Variants in STK38 observed in about 807,000 individuals in gnomAD.
STK38 encodes the protein serine/threonine kinase 38.
A neutral mutation model predicts 59.0 loss-of-function variants in STK38; 26 were observed. The ratio of observed to expected loss-of-function variants is 0.44; its 90% CI spans 0.32 to 0.61. STK38 has a LOEUF of 0.61. Among genes scored for constraint, STK38 ranks in the 20% least tolerant of loss-of-function variants. STK38 has a pLI of 0.04. For missense variants in STK38, 433 were observed against 566.0 expected (o/e 0.76, Z 2.38); for synonymous variants, 175 against 176.6 (o/e 0.99, Z 0.07).
chr6:36,498,792 T>G (rs546995276), intron 10 of STK38, among the ~76,000 whole-genome samples: 18 of 152,006 alleles, frequency 1.2e-4, no homozygotes, highest in African/African-American at 3.9e-4. Context: ...AGTCTTGCTA[T>G]GTTGATCAGG....
Position 36,547,283 on chromosome 6 carries a change from C to G in STK38, c.-99G>C, listed in dbSNP as rs1778072132. 6.5e-6 allele frequency: 1 copy of G among 152,734 alleles called. No individual in the cohort carries two copies. Among genetic ancestry groups the G allele is most frequent in the Non-Finnish European group, 1.5e-5 (1 of 68,470 alleles). 9.5% of individuals were successfully genotyped at this position (152,734 alleles called of 1,614,324 possible). On this transcript the variant is annotated 5_prime_UTR_variant, in exon 1 of 14. Coordinates refer to ENST00000229812, the MANE Select transcript of STK38 (RefSeq NM_007271.4). ...GACTTGAAGGCTGGCGAAGCCCCGG[C>G]GGCGGCAGCCAACGAGCCAAAGACG...
intron 9 of STK38, among the ~76,000 whole-genome samples, chr6:36,504,208 T>C (rs1463008141): frequency 1.3e-5 from 2 of 152,226 alleles, no homozygotes; most frequent in African/African-American, 2.4e-5. Flanking sequence ...TATTACCTTT[T>C]ATATCTGTAA....
At position 36,536,414 on chromosome 6, in the gene STK38, T is replaced by A. The variant is rs540392348; in HGVS notation, c.131+3658A>T. ...GGCCAGGCACCGTAGCTAACGTAAGTCCAGCACTCTGGGAGGCTGAGGTGG... is the reference window on the plus strand; with the variant it reads ...GGCCAGGCACCGTAGCTAACGTAAGACCAGCACTCTGGGAGGCTGAGGTGG... On this transcript the variant is annotated intron_variant, in intron 2 of 13. Transcript: ENST00000229812. Among the ~76,000 whole-genome samples the A allele has an allele frequency of 9.2e-5, 14 of 152,154 alleles. No homozygotes were observed. The East Asian group carries it at 2.7e-3, about 29-fold the overall frequency.
chr6:36,531,633 T>C (rs1777668548), intron 2 of STK38, among the ~76,000 whole-genome samples: 1 of 152,230 alleles, frequency 6.6e-6, no homozygotes, highest in Non-Finnish European at 1.5e-5. Flanking sequence ...ATTGAGTGCT[T>C]ATGATCTAAC....
intron 1 of STK38, among the ~76,000 whole-genome samples, chr6:36,543,056 G>T (rs564337917): frequency 1.3e-5 from 2 of 151,992 alleles, no homozygotes; most frequent in African/African-American, 4.8e-5. Flanking sequence ...TCCAGCATTG[G>T]CAATAGCGCT....
intron 2 of STK38, among the ~76,000 whole-genome samples, chr6:36,527,040 A>C (rs1777531070): frequency 6.6e-6 from 1 of 151,536 alleles, no homozygotes; most frequent in Admixed American, 6.6e-5. Context: ...AAAAATACAA[A>C]AATCAGCTAG....
intron 13 of STK38, among the ~76,000 whole-genome samples, chr6:36,496,179 G>A (rs1463796939): frequency 6.6e-6 from 1 of 151,892 alleles, no homozygotes; most frequent in Non-Finnish European, 1.5e-5. Context: ...CAGTAGCTGG[G>A]ACTACAGGCG....
intron 2 of STK38, among the ~76,000 whole-genome samples, chr6:36,526,522 G>A (rs1338174804): frequency 1.3e-5 from 2 of 152,170 alleles, no homozygotes; most frequent in Non-Finnish European, 2.9e-5. Context: ...CACTTTGGGA[G>A]GTGAGGCAGA....
chr6:36,534,443 G>A (rs565966107), intron 2 of STK38, among the ~76,000 whole-genome samples: 2 of 152,072 alleles, frequency 1.3e-5, no homozygotes, highest in African/African-American at 2.4e-5. Context: ...GAGGCCAAGA[G>A]TTCAAGATAA....
rs908922346 is a variant in STK38, at chr6:36,547,407, G to C, written c.-223C>G. ...AACTGCCGGAAAAGACGCGAGCGCT[G>C]AGGGGCCAAGGCAGCCCGGTCCCCC... On this transcript the variant is annotated 5_prime_UTR_variant, in exon 1 of 14. Coordinates refer to ENST00000229812, the MANE Select transcript of STK38 (RefSeq NM_007271.4). The C allele has an allele frequency of 6.6e-6, 1 of 152,354 alleles. No individual in the cohort carries two copies. Among genetic ancestry groups the C allele is most frequent in the African/African-American group, 2.4e-5 (1 of 41,472 alleles). The allele number at this position is 152,354 out of a possible 1,614,324, so 9.4% of individuals were successfully genotyped here.
intron 5 of STK38, among the ~76,000 whole-genome samples, chr6:36,518,248 GCAA>G (rs1777300868): frequency 6.6e-6 from 1 of 152,158 alleles, no homozygotes; most frequent in Non-Finnish European, 1.5e-5. Context: ...ACTAGTATCT[GCAA>G]CAACAGTGAG....
At chr6:36,535,874 CAAA>C (rs35930267) in intron 2 of STK38, among the ~76,000 whole-genome samples, 3 of 75,410 alleles carry the variant, frequency 4.0e-5, no homozygotes, top group Non-Finnish European at 3.2e-5. Context: ...GACTCCGTCT[CAAA>C]AAAAAAAAAA....
chr6:36,540,254 A>G lies in STK38; in HGVS notation c.-5-47T>C, dbSNP rs370430723. On this transcript the variant is annotated intron_variant, in intron 1 of 13. Transcript: ENST00000229812. ...GGTGTTAGATTTGGAGTTAGAATCC[A>G]CCCAGTGTGCACTCTCCTACCCTAT... is the stretch of plus-strand genomic sequence containing the variant. 4.5e-5 allele frequency: 72 copies of G among 1,604,884 alleles called. No individual in the cohort carries two copies. The African/African-American group carries it at 8.8e-4, about 20-fold the overall frequency.
intron 2 of STK38, among the ~76,000 whole-genome samples, chr6:36,535,500 C>G (rs1777767292): frequency 6.6e-6 from 1 of 151,930 alleles, no homozygotes; most frequent in African/African-American, 2.4e-5. Context: ...AAACAGAGAT[C>G]TGCAATGTCC....
intron 13 of STK38, 145 bp downstream of exon 13, chr6:36,496,566 A>G (rs899535414): frequency 7.3e-6 from 5 of 685,726 alleles, no homozygotes; most frequent in Non-Finnish European, 1.3e-5. Flanking sequence ...ACTACCCAGC[A>G]TTAGAATTAG....
At chr6:36,519,676 T>A (rs1700804689) in intron 5 of STK38, among the ~76,000 whole-genome samples, 2 of 152,164 alleles carry the variant, frequency 1.3e-5, no homozygotes, top group South Asian at 4.1e-4. Context: ...GTGCAATTTA[T>A]ACAAAAAGGT....
chr6:36,518,236 G>A (rs1469653362), intron 5 of STK38, among the ~76,000 whole-genome samples: 2 of 152,202 alleles, frequency 1.3e-5, no homozygotes, highest in African/African-American at 2.4e-5. Context: ...CCTCGGGTCT[G>A]CACTAGTATC....
chr6:36,497,031 G>A (rs376504991), intron 12 of STK38, among the ~76,000 whole-genome samples: 112 of 152,292 alleles, frequency 7.4e-4, no homozygotes, highest in Middle Eastern at 6.8e-3. Flanking sequence ...TTCATAGCTA[G>A]AAAGAAAGAT....
intron 9 of STK38, among the ~76,000 whole-genome samples, chr6:36,501,051 C>A (rs995668906): frequency 1.3e-5 from 2 of 152,120 alleles, no homozygotes; most frequent in Non-Finnish European, 2.9e-5. Context: ...CTCCTAGGCT[C>A]AAGAGATCCT....
Sources: gnomAD v4.1 joint callset for allele counts (sites outside exome capture counted in the v4.1 genomes callset) on GRCh38, gnomAD v4.1.1 for gene constraint, MANE v1.5 for transcripts, NCBI Gene and HGNC (gene_info 2026-07-23, HGNC 2026-07-21) for gene names.